The following ATAD2B variants were observed in gnomAD, a reference collection of about 807,000 sequenced individuals.
ATAD2B encodes ATPase family AAA domain containing 2B.
A neutral mutation model predicts 167.6 loss-of-function variants in ATAD2B; 40 were observed. The ratio of observed to expected loss-of-function variants is 0.24; its 90% CI spans 0.19 to 0.31. The LOEUF is 0.31. Among genes scored for constraint, ATAD2B ranks in the 10% least tolerant of loss-of-function variants. The pLI is 1.00. For missense variants in ATAD2B, 1,242 were observed against 1,757.2 expected (o/e 0.71, Z 5.24); for synonymous variants, 579 against 596.5 (o/e 0.97, Z 0.43).
At chr2:23,916,835 C>T (rs1703108796) in intron 1 of ATAD2B, among the ~76,000 whole-genome samples, 1 of 152,206 alleles carries the variant, frequency 6.6e-6, no homozygotes, top group African/African-American at 2.4e-5. Flanking sequence ...CCTAGGCAGG[C>T]TGCTAAGTCA....
At chr2:23,898,167 T>A (rs1229648423) in intron 1 of ATAD2B, among the ~76,000 whole-genome samples, 4 of 152,276 alleles carry the variant, frequency 2.6e-5, no homozygotes, top group East Asian at 3.9e-4. Flanking sequence ...GGTTTCAAAC[T>A]CCTGGCCTCA....
chr2:23,870,760 G>GCTT (rs1695847360), intron 8 of ATAD2B, among the ~76,000 whole-genome samples: 1 of 151,600 alleles, frequency 6.6e-6, no homozygotes, highest in Admixed American at 6.6e-5. Flanking sequence ...GGTTTACAGA[G>GCTT]GACAAGGGCT....
chr2:23,756,494 T>C (rs1675965714), intron 25 of ATAD2B, among the ~76,000 whole-genome samples: 1 of 152,198 alleles, frequency 6.6e-6, no homozygotes, highest in Non-Finnish European at 1.5e-5. Flanking sequence ...GATAGCCTCC[T>C]ATAAGAGTAC....
chr2:23,818,153 AGGAG>A (rs1241449990), intron 17 of ATAD2B, among the ~76,000 whole-genome samples: 1 of 99,670 alleles, frequency 1.0e-5, no homozygotes, highest in Non-Finnish European at 2.1e-5. Flanking sequence ...GAGAGAGAGA[AGGAG>A]GGAGGGAAGA....
the ATAD2B span, among the ~76,000 whole-genome samples, chr2:23,711,678 C>T: frequency 2.0e-5 from 3 of 151,978 alleles, no homozygotes; most frequent in Non-Finnish European, 4.4e-5. Flanking sequence ...GCCCTTTCCC[C>T]AGAATTTCAG....
intron 25 of ATAD2B, among the ~76,000 whole-genome samples, chr2:23,756,954 T>C (rs1387044520): frequency 6.6e-6 from 1 of 152,184 alleles, no homozygotes; most frequent in Non-Finnish European, 1.5e-5. Context: ...GTCACATGAT[T>C]ATAATGAACA....
chr2:23,823,963 GAGAC>G (rs1572917841), intron 15 of ATAD2B, among the ~76,000 whole-genome samples: 2 of 149,672 alleles, frequency 1.3e-5, no homozygotes, highest in East Asian at 3.9e-4. Context: ...AAATAAACAA[GAGAC>G]AGGGGTCTCA....
chr2:23,769,054 T>C (rs915210662), intron 22 of ATAD2B, among the ~76,000 whole-genome samples: 14 of 152,324 alleles, frequency 9.2e-5, no homozygotes, highest in Admixed American at 2.6e-4. Flanking sequence ...GGTCAAATGA[T>C]AGGTACGGTT....
chr2:23,827,495 T>A lies in ATAD2B; in HGVS notation c.1819+1354A>T, dbSNP rs1190496394. On this transcript the variant is annotated intron_variant, in intron 15 of 27. Coordinates refer to ENST00000238789, the MANE Select transcript of ATAD2B (RefSeq NM_017552.4). ...CTCTTAGGGAATTTCCAAAATGATT[T>A]GACAACTTGACTTCTGCTTATTTCA... Among the ~76,000 whole-genome samples, 3 of 152,214 alleles carry A rather than the reference T, an allele frequency of 2.0e-5. No homozygotes were observed. In the East Asian group the frequency reaches 5.8e-4, roughly 29 times the overall value.
chr2:23,848,585 T>A (rs2149872594), intron 13 of ATAD2B, among the ~76,000 whole-genome samples: 1 of 152,330 alleles, frequency 6.6e-6, no homozygotes, highest in South Asian at 2.1e-4. Context: ...TATCATCAAT[T>A]GAAGGTAGAT....
At chr2:23,679,115 G>A in the ATAD2B span, among the ~76,000 whole-genome samples, 1 of 151,786 alleles carries the variant, frequency 6.6e-6, no homozygotes, top group Non-Finnish European at 1.5e-5. Context: ...CACAGGGAAA[G>A]TTCCCTGAGC....
the ATAD2B span, chr2:23,696,546 T>C: frequency 2.1e-6 from 3 of 1,460,002 alleles, no homozygotes; most frequent in Non-Finnish European, 2.7e-6. The surrounding 1 kb of genome is among the most constrained non-coding windows in gnomAD (Gnocchi z 5.5). Context: ...AGGGGCATGC[T>C]CTTTGCTCAC....
chr2:23,861,507 A>G (rs139308692), intron 12 of ATAD2B, among the ~76,000 whole-genome samples: 1 of 151,062 alleles, frequency 6.6e-6, no homozygotes, highest in African/African-American at 2.4e-5. Context: ...CAGGATTACC[A>G]GCAATTTTCT....
chr2:23,918,628 C>T (rs1448332306), intron 1 of ATAD2B, among the ~76,000 whole-genome samples: 1 of 152,110 alleles, frequency 6.6e-6, no homozygotes, highest in African/African-American at 2.4e-5. Flanking sequence ...TCCCAATATA[C>T]TCCTAGACAC....
At chr2:23,693,160 G>A in the ATAD2B span, 2 of 1,190,702 alleles carry the variant, frequency 1.7e-6, no homozygotes, top group Admixed American at 3.9e-5. Context: ...CTGCAGTCAG[G>A]GTCCCCCGGG....
intron 1 of ATAD2B, among the ~76,000 whole-genome samples, chr2:23,904,554 T>TC (rs1553453936): frequency 2.7e-5 from 4 of 146,366 alleles, no homozygotes; most frequent in Admixed American, 1.4e-4. Flanking sequence ...TTTTTTTTTT[T>TC]CTTTAAGAAA....
At chr2:23,863,948 A>G (rs1168252288) in intron 11 of ATAD2B, among the ~76,000 whole-genome samples, 2 of 152,192 alleles carry the variant, frequency 1.3e-5, no homozygotes, top group African/African-American at 2.4e-5. Context: ...ATCTGAATAA[A>G]AAGTGCCTCC....
chr2:23,722,061 C>G, the ATAD2B span, among the ~76,000 whole-genome samples: 1 of 152,182 alleles, frequency 6.6e-6, no homozygotes, highest in African/African-American at 2.4e-5. Flanking sequence ...GCCAATGACC[C>G]CCACCAAACT....
chr2:23,809,501 GA>G (rs1041661471), intron 18 of ATAD2B, among the ~76,000 whole-genome samples: 2 of 152,020 alleles, frequency 1.3e-5, no homozygotes, highest in Admixed American at 1.3e-4. Flanking sequence ...ATGTAACTGG[GA>G]AAAAAACAAC....
Sources: gnomAD v4.1 joint callset for allele counts (sites outside exome capture counted in the v4.1 genomes callset) on GRCh38, gnomAD v4.1.1 for gene constraint, Gnocchi (gnomAD v3.1) non-coding constraint, MANE v1.5 for transcripts, NCBI Gene and HGNC (gene_info 2026-07-23, HGNC 2026-07-21) for gene names.